Variants in POLI observed in about 807,000 individuals in gnomAD.
POLI encodes DNA polymerase iota, also known as RAD30 homolog B.
POLI carries 58 observed loss-of-function variants against 51.6 expected under a neutral mutation model. The ratio of observed to expected loss-of-function variants is 1.12; its 90% CI spans 0.91 to 1.40. POLI has a LOEUF of 1.40. POLI is among the 40% of genes most tolerant of loss of function. POLI has a pLI of 0.00. For missense variants in POLI, 921 were observed against 871.3 expected (o/e 1.06, Z -0.72); for synonymous variants, 322 against 299.7 (o/e 1.07, Z -0.77).
At chr18:54,280,622 A>G in intron 4 of POLI, 45 bp from the exon 5 acceptor site, 1 of 1,312,238 alleles carries the variant, frequency 7.6e-7, no homozygotes, top group Non-Finnish European at 1.1e-6. Context: ...TGAAAAAGAA[A>G]AAGGTTTTTC....
chr18:54,306,349 T>C (rs1234591275), intron 3 of POLI, among the ~76,000 whole-genome samples: 1 of 152,222 alleles, frequency 6.6e-6, no homozygotes, highest in African/African-American at 2.4e-5. Flanking sequence ...GTTTTTGTCA[T>C]TGGTTCTGTT....
chr18:54,311,535 C>G (rs1443277665), intron 3 of POLI, among the ~76,000 whole-genome samples: 1 of 152,102 alleles, frequency 6.6e-6, no homozygotes, highest in African/African-American at 2.4e-5. Flanking sequence ...TAAACCAAAC[C>G]TATGTAGATA....
At chr18:54,305,551 C>G (rs2088568611) in intron 3 of POLI, among the ~76,000 whole-genome samples, 1 of 111,942 alleles carries the variant, frequency 8.9e-6, no homozygotes, top group East Asian at 2.0e-4. Flanking sequence ...CATGATTTGA[C>G]TCTCTGTTTG....
chr18:54,317,768 G>A (rs943750441), intron 3 of POLI, among the ~76,000 whole-genome samples: 2 of 152,114 alleles, frequency 1.3e-5, no homozygotes, highest in Non-Finnish European at 2.9e-5. Flanking sequence ...GGGAGGGTGA[G>A]GCAAGAGGAT....
intron 5 of POLI, among the ~76,000 whole-genome samples, chr18:54,281,618 C>T (rs1173772210): frequency 6.6e-6 from 1 of 152,034 alleles, no homozygotes; most frequent in African/African-American, 2.4e-5. Flanking sequence ...TATAGTATAA[C>T]TATAATTTGA....
In POLI at chr18:54,298,206, C is replaced by A; in HGVS notation, c.*3739C>A. On this transcript the variant is annotated 3_prime_UTR_variant, in exon 10 of 10. Coordinates refer to ENST00000579534, the MANE Select transcript of POLI (RefSeq NM_007195.3). ...TAATTGTAACAACTATGTAACTGTC[C>A]AAGTCAAGAAATAAAACATATCAAG... The A allele has an allele frequency of 7.4e-6, 2 of 270,138 alleles. No homozygotes were observed. Among genetic ancestry groups the A allele is most frequent in the Non-Finnish European group, 1.1e-5 (2 of 176,066 alleles). The allele number at this position is 270,138 out of a possible 1,614,324, so 16.7% of individuals were successfully genotyped here. A position where few individuals can be genotyped will look rare whatever the true frequency, so the allele number is the denominator to read the frequency against.
chr18:54,310,743 CT>C (rs573894347), intron 3 of POLI, among the ~76,000 whole-genome samples: 1 of 152,080 alleles, frequency 6.6e-6, no homozygotes, highest in East Asian at 1.9e-4. Context: ...AAACTATAAG[CT>C]TTTTTTCAAA....
At position 54,294,688 on chromosome 18, in the gene POLI, T is replaced by G; in HGVS notation, c.*221T>G. 1 of 1,145,640 alleles carries G rather than the reference T, an allele frequency of 8.7e-7. No individual in the cohort carries two copies. The highest frequency in any genetic ancestry group is 1.1e-6 in the Non-Finnish European group (1 of 926,468). The allele number at this position is 1,145,640 out of a possible 1,614,324, so 71.0% of individuals were successfully genotyped here. ...ACTATCTTTTATGTCTAAAGCCATT[T>G]TATATTACTTTTCAATAAAAAGAAT... On this transcript the variant is annotated 3_prime_UTR_variant, in exon 10 of 10. Coordinates refer to ENST00000579534, the MANE Select transcript of POLI (RefSeq NM_007195.3).
At chr18:54,280,946 A>G (rs2087473426) in intron 5 of POLI, 43 bp downstream of exon 5, 1 of 1,002,944 alleles carries the variant, frequency 1.0e-6, no homozygotes, top group Non-Finnish European at 1.5e-6. Context: ...GTCTTATTTT[A>G]TTTCTTTTAA....
At chr18:54,304,316 G>A (rs1437721283) in intron 3 of POLI, among the ~76,000 whole-genome samples, 1 of 152,172 alleles carries the variant, frequency 6.6e-6, no homozygotes, top group Admixed American at 6.5e-5. Context: ...TCTAGTTCTA[G>A]ATCCTTGAGG....
intron 2 of POLI, 147 bp from the exon 3 acceptor site, chr18:54,273,779 A>C: frequency 2.3e-6 from 1 of 427,752 alleles, no homozygotes; most frequent in Non-Finnish European, 4.1e-6. Context: ...TGATATATGG[A>C]GGCTATGTTT....
chr18:54,269,630 G>C lies in POLI; in HGVS notation c.84G>C (p.Leu28=). The change falls in exon 1 of 10, where the codon CTG becomes CTC. Residue 28 remains leucine (L), a synonymous_variant. Coordinates refer to ENST00000579534, the MANE Select transcript of POLI (RefSeq NM_007195.3). ...ACGCCGAGGCCTGGGCCATGGAACT[G>C]GCGGACGTGGGGGCGGCAGCCAGCT... ...EEDAEAWAME[L]ADVGAAASSQ... is the part of the protein sequence containing the mutation. 6.6e-7 allele frequency: 1 copy of C among 1,509,652 alleles called. No individual in the cohort carries two copies. Among genetic ancestry groups the C allele is most frequent in the Non-Finnish European group, 8.8e-7 (1 of 1,131,726 alleles). 93.5% of individuals were successfully genotyped at this position (1,509,652 alleles called of 1,614,324 possible).
downstream of POLI, among the ~76,000 whole-genome samples, chr18:54,300,038 G>A (rs1599267439): frequency 6.6e-6 from 1 of 151,748 alleles, no homozygotes; most frequent in East Asian, 1.9e-4. Flanking sequence ...GCATACATAT[G>A]AAAGAACTCA....
chr18:54,317,510 G>A (rs2088749554), intron 3 of POLI, among the ~76,000 whole-genome samples: 1 of 152,106 alleles, frequency 6.6e-6, no homozygotes, highest in Non-Finnish European at 1.5e-5. Flanking sequence ...TTGTTCTGAC[G>A]AATTGAGTCC....
At chr18:54,309,876 CATGGGACCTGCTGAGCCTTGCCTGGGAT>C (rs1449317213) in intron 3 of POLI, among the ~76,000 whole-genome samples, 3 of 152,228 alleles carry the variant, frequency 2.0e-5, no homozygotes, top group African/African-American at 7.2e-5. Flanking sequence ...GCTCCATGGG[CATGGGACCTGCTGAGCCTTGCCTGGGAT>C]ATAATCTCCT....
intron 7 of POLI, 44 bp downstream of exon 7, chr18:54,284,057 C>G: frequency 1.4e-6 from 1 of 706,086 alleles, no homozygotes; most frequent in Non-Finnish European, 2.5e-6. Context: ...TGTATTCATT[C>G]TATATACGGT....
chr18:54,288,147 T>C (rs1182818449), intron 8 of POLI, among the ~76,000 whole-genome samples: 1 of 152,222 alleles, frequency 6.6e-6, no homozygotes, highest in Non-Finnish European at 1.5e-5. Flanking sequence ...TACATTTTCA[T>C]CAACAATATT....
intron 4 of POLI, 69 bp from the exon 5 acceptor site, chr18:54,280,598 T>A (rs1599184474): frequency 9.7e-7 from 1 of 1,034,936 alleles, no homozygotes; most frequent in Non-Finnish European, 1.5e-6. Context: ...CTCTACCTTT[T>A]AAAAATTATT....
chr18:54,309,708 G>GAGATGGA (rs2088641844), intron 3 of POLI, among the ~76,000 whole-genome samples: 1 of 152,216 alleles, frequency 6.6e-6, no homozygotes, highest in African/African-American at 2.4e-5. Flanking sequence ...GAGGCAGGCA[G>GAGATGGA]GCCTCATTGA....
Sources: allele counts gnomAD v4.1 joint callset (sites outside exome capture counted in the v4.1 genomes callset), GRCh38; gene constraint gnomAD v4.1.1; transcripts MANE v1.5; gene names NCBI Gene and HGNC (gene_info 2026-07-23, HGNC 2026-07-21).